The following SUGP1 variants were observed in gnomAD, a reference collection of about 807,000 sequenced individuals.
SUGP1 encodes SURP and G-patch domain containing 1.
SUGP1 carries 34 observed loss-of-function variants against 76.5 expected under a neutral mutation model. The ratio of observed to expected loss-of-function variants is 0.44; its 90% CI spans 0.34 to 0.59. The LOEUF (loss-of-function observed/expected upper bound fraction) is 0.59, where lower values mean the gene tolerates loss of function less well. Ranked by LOEUF, SUGP1 falls within the 20% of genes least tolerant of loss-of-function variation. The probability of loss-of-function intolerance (pLI) is 0.01; values close to 1 mark genes in which losing one functional copy is unlikely to be tolerated. For missense variants in SUGP1, 752 were observed against 851.7 expected, an observed-to-expected ratio of 0.88 and a Z score of 1.46; for synonymous variants, 326 against 326.2, an observed-to-expected ratio of 1.00 and a Z score of 0.01.
At chr19:19,277,275 G>C (rs2061059893) in intron 12 of SUGP1, among the ~76,000 whole-genome samples, 199 bp from the exon 13 acceptor site, 1 of 148,580 alleles carries the variant, frequency 6.7e-6, no homozygotes, top group Non-Finnish European at 1.5e-5. Flanking sequence ...CTAGGCCCCA[G>C]GGTCCCACAC....
chr19:19,301,986 G>C (rs915314576), intron 7 of SUGP1: 1 of 446,798 alleles, frequency 2.2e-6, no homozygotes, highest in Non-Finnish European at 4.0e-6. Flanking sequence ...AAAGGCAACT[G>C]GGCAAGTGCT....
intron 7 of SUGP1, chr19:19,302,010 A>G (rs907700217): frequency 5.8e-6 from 3 of 515,960 alleles, no homozygotes; most frequent in Non-Finnish European, 1.0e-5. Context: ...GACTTTCTCC[A>G]TGAGGCACCT....
At chr19:19,295,605 CAAAAAAAAAAAAAAA>C (rs55921805) in intron 8 of SUGP1, among the ~76,000 whole-genome samples, 1 of 66,810 alleles carries the variant, frequency 1.5e-5, no homozygotes, top group Non-Finnish European at 3.0e-5. Context: ...GACTCCTTCT[CAAAAAAAAAAAAAAA>C]AAAAAAAAAG....
At chr19:19,304,102 A>G in intron 4 of SUGP1, 1 of 1,362,764 alleles carries the variant, frequency 7.3e-7, no homozygotes, top group Non-Finnish European at 9.8e-7. Context: ...GCTAGCAGAA[A>G]ATATATCCAG....
In SUGP1 at chr19:19,279,365, A is replaced by G; in HGVS notation, c.1376T>C (p.Met459Thr). The change falls in exon 10 of 14, where the codon ATG becomes ACG. Residue 459 changes from methionine (M) to threonine (T), a missense_variant. Transcript: ENST00000247001. The part of the protein sequence containing the change: ...QEMQQMYDMI[M>T]QHKRAMQDMQ... ...GTCCTGCATGGCCCGCTTGTGCTGC[A>G]TGATCATGTCGTACATCTGCTGCAT... 1 of 1,608,534 alleles carries G rather than the reference A, an allele frequency of 6.2e-7. No individual in the cohort carries two copies. Among genetic ancestry groups the G allele is most frequent in the Non-Finnish European group, 8.5e-7 (1 of 1,179,452 alleles).
chr19:19,305,680 C>G, intron 4 of SUGP1, 169 bp downstream of exon 4: 1 of 618,244 alleles, frequency 1.6e-6, no homozygotes, highest in Non-Finnish European at 2.7e-6. Flanking sequence ...CCCTCACCCT[C>G]CTTTGCTCTC....
At chr19:19,312,864 C>T (rs906651311) in intron 2 of SUGP1, among the ~76,000 whole-genome samples, 1 of 151,688 alleles carries the variant, frequency 6.6e-6, no homozygotes, top group African/African-American at 2.4e-5. Context: ...GTGGGGGGCA[C>T]CTGCAGTCCC....
At position 19,280,266 on chromosome 19, in the gene SUGP1, A is replaced by G; in HGVS notation, c.1269T>C (p.Tyr423=). ...LSVQDLKGLG[Y]EKGKPVGLVG... is the part of the protein sequence containing the mutation. ...CTAGACCCACAGGCTTCCCCTTCTC[A>G]TAGCCGAGCCCCTTGAGGTCCTGAA... Residue 423 remains tyrosine, a synonymous_variant, in exon 9 of 14, where the codon TAT becomes TAC. Coordinates refer to ENST00000247001, the MANE Select transcript of SUGP1 (RefSeq NM_172231.4). 1 of 1,613,928 alleles carries G rather than the reference A, an allele frequency of 6.2e-7. No individual in the cohort carries two copies. The highest frequency in any genetic ancestry group is 8.5e-7 in the Non-Finnish European group (1 of 1,179,976).
Position 19,276,388 on chromosome 19 carries a change from C to T in SUGP1, c.*260G>A. The T allele has an allele frequency of 2.1e-6, 1 of 465,450 alleles. No individual in the cohort carries two copies. Among genetic ancestry groups the T allele is most frequent in the South Asian group, 2.6e-5 (1 of 38,992 alleles). 28.8% of individuals were successfully genotyped at this position (465,450 alleles called of 1,614,324 possible). Reference sequence around the variant, plus strand: ...TATGCTGAAAACAACTTTCTTCCTCCCCTCCAGTGCAACCCAGGCTGAGCG... The same window carrying T: ...TATGCTGAAAACAACTTTCTTCCTCTCCTCCAGTGCAACCCAGGCTGAGCG... On this transcript the variant is annotated 3_prime_UTR_variant, in exon 14 of 14. Coordinates refer to ENST00000247001, the MANE Select transcript of SUGP1 (RefSeq NM_172231.4).
At chr19:19,305,678 C>T (rs2146619103) in intron 4 of SUGP1, 171 bp downstream of exon 4, 1 of 601,448 alleles carries the variant, frequency 1.7e-6, no homozygotes, top group Non-Finnish European at 2.8e-6. Flanking sequence ...GCCCCTCACC[C>T]TCCTTTGCTC....
chr19:19,306,019 T>C lies in SUGP1; in HGVS notation c.368A>G (p.Lys123Arg). 1 of 1,611,572 alleles carries C rather than the reference T, an allele frequency of 6.2e-7. No individual in the cohort carries two copies. The highest frequency in any genetic ancestry group is 8.5e-7 in the Non-Finnish European group (1 of 1,179,420). The change falls in exon 4 of 14, where the codon AAG (lysine) becomes AGG (arginine). Residue 123 changes from lysine (K) to arginine (R), a missense_variant. This residue lies in a region of SUGP1 where 620 missense variants were observed against 617.3 expected (regional missense o/e 1.00). Transcript: ENST00000247001. ...PPSTPTPSAG[K>R]RSLLISRRTG... ...CCGCCTGCTGATGAGCAGGGACCTC[T>C]TCCCAGCGCTGGGGGTGGGTGTGCT...
intron 1 of SUGP1, 69 bp downstream of exon 1, chr19:19,320,394 G>C: frequency 1.3e-6 from 2 of 1,546,170 alleles, no homozygotes; most frequent in South Asian, 1.2e-5. Flanking sequence ...GGACGGACCC[G>C]AGGAGTCAGG....
chr19:19,301,654 T>G (rs2061272474), intron 7 of SUGP1: 1 of 152,274 alleles, frequency 6.6e-6, no homozygotes, highest in Admixed American at 6.5e-5. Context: ...CCCACCCGCC[T>G]CCCCGGGCAC....
intron 2 of SUGP1, among the ~76,000 whole-genome samples, chr19:19,314,483 CTTTAAAG>C (rs1568637100): frequency 6.6e-6 from 1 of 152,016 alleles, no homozygotes; most frequent in Non-Finnish European, 1.5e-5. Flanking sequence ...CATGAATTAC[CTTTAAAG>C]TTTAAAAAAA....
intron 12 of SUGP1, 46 bp downstream of exon 12, chr19:19,277,688 C>T: frequency 6.2e-7 from 1 of 1,600,234 alleles, no homozygotes. Flanking sequence ...AGGGGACCCA[C>T]AGACCCCAAG....
Position 19,302,300 on chromosome 19 carries a change from A to G in SUGP1, c.852T>C (p.Ile284=). The change falls in exon 7 of 14, where the codon ATT becomes ATC. Residue 284 remains isoleucine, a synonymous_variant. Transcript: ENST00000247001. ...GGTTCTCACGGTTGTTCTGGAGGGC[A>G]ATGGTTTCCACCTCGGGACCCCCGT... ...IADGGPEVET[I]ALQNNRENQA... The G allele has an allele frequency of 1.2e-6, 2 of 1,614,146 alleles. No homozygotes were observed.
chr19:19,277,256 G>GA (rs967107915), intron 12 of SUGP1, among the ~76,000 whole-genome samples, 180 bp from the exon 13 acceptor site: 15 of 150,710 alleles, frequency 1.0e-4, no homozygotes, highest in Middle Eastern at 3.4e-3. Flanking sequence ...GCGGGCGGGG[G>GA]GGGGGGGCCT....
intron 3 of SUGP1, among the ~76,000 whole-genome samples, chr19:19,309,752 T>C (rs2061340680): frequency 6.6e-6 from 1 of 151,938 alleles, no homozygotes; most frequent in Non-Finnish European, 1.5e-5. Context: ...CTACTAAAAA[T>C]ATTTAAAAAA....
chr19:19,276,536 A>T lies in SUGP1; in HGVS notation c.*112T>A. Reference sequence around the variant, plus strand: ...TGTGGTGGATGAGCACTGGGACTTTATTACACGGCACGGCACTCGTGACAA... The same window carrying T: ...TGTGGTGGATGAGCACTGGGACTTTTTTACACGGCACGGCACTCGTGACAA... On this transcript the variant is annotated 3_prime_UTR_variant, in exon 14 of 14. Transcript: ENST00000247001. 7.4e-7 allele frequency: 1 copy of T among 1,358,334 alleles called. No homozygotes were observed. Among genetic ancestry groups the T allele is most frequent in the South Asian group, 1.3e-5 (1 of 79,864 alleles). The allele number at this position is 1,358,334 out of a possible 1,614,324, so 84.1% of individuals were successfully genotyped here.
Sources: gnomAD v4.1 joint callset for allele counts (sites outside exome capture counted in the v4.1 genomes callset) on GRCh38, gnomAD v4.1.1 for gene constraint, gnomAD v4.1.1 regional missense constraint, MANE v1.5 for transcripts, NCBI Gene and HGNC (gene_info 2026-07-23, HGNC 2026-07-21) for gene names.